Variants in SLC39A6 observed in about 807,000 individuals in gnomAD.
SLC39A6 encodes the protein zinc transporter ZIP6.
SLC39A6 carries 51 observed loss-of-function variants against 63.5 expected under a neutral mutation model. That is an observed-to-expected ratio of 0.80 (90% CI 0.64 to 1.01). The LOEUF is 1.01. Among genes scored for constraint, SLC39A6 ranks in the 50% least tolerant of loss-of-function variants. The pLI is 0.00. For missense variants in SLC39A6, 805 were observed against 927.8 expected (o/e 0.87, Z 1.72); for synonymous variants, 318 against 324.7 (o/e 0.98, Z 0.22).
In SLC39A6 at chr18:36,116,744, C is replaced by T; in HGVS notation, c.1395G>A (p.Glu465=). 6.2e-7 allele frequency: 1 copy of T among 1,613,078 alleles called. No homozygotes were observed. The highest frequency in any genetic ancestry group is 1.7e-5 in the Admixed American group (1 of 59,912). Reference sequence around the variant, plus strand: ...CATACTTGGACAACTGCTTCTTAATCTCCACATCATCATCATTTTCAGGTT... The same window carrying T: ...CATACTTGGACAACTGCTTCTTAATTTCCACATCATCATCATTTTCAGGTT... ...QKKPENDDDV[E]IKKQLSKYES... The change falls in exon 6 of 10, where the codon GAG becomes GAA. Residue 465 remains glutamate, a synonymous_variant. Coordinates refer to ENST00000269187, the MANE Select transcript of SLC39A6 (RefSeq NM_012319.4).
chr18:36,121,463 A>AT (rs1016961970), intron 5 of SLC39A6, among the ~76,000 whole-genome samples: 1 of 152,134 alleles, frequency 6.6e-6, no homozygotes, highest in Non-Finnish European at 1.5e-5. Context: ...GACCCACATC[A>AT]TTTTTAAGAG....
chr18:36,122,118 C>T lies in SLC39A6; in HGVS notation c.1293G>A (p.Leu431=), dbSNP rs752391375. 2.5e-6 allele frequency: 4 copies of T among 1,613,810 alleles called. No homozygotes were observed. The highest frequency in any genetic ancestry group is 1.3e-5 in the African/African-American group (1 of 74,886). Residue 431 remains leucine (L), a synonymous_variant, in exon 5 of 10, where the codon CTG becomes CTA. Transcript: ENST00000269187. The stretch of plus-strand genomic sequence containing the variant: ...CATGTTCAACAAGAAACATGAAATA[C>T]AGGCCTCCTAGAGCTGTTAGACCCT... ...TWKGLTALGG[L]YFMFLVEHVL... is the part of the protein sequence containing the mutation.
chr18:36,119,181 T>C (rs2089371108), intron 5 of SLC39A6, among the ~76,000 whole-genome samples: 1 of 152,224 alleles, frequency 6.6e-6, no homozygotes, highest in Non-Finnish European at 1.5e-5. Context: ...GTAGTAGTTT[T>C]CTTTTTGAGA....
chr18:36,111,343 A>C, intron 8 of SLC39A6, 94 bp from the exon 9 acceptor site: 1 of 1,259,884 alleles, frequency 7.9e-7, no homozygotes, highest in Non-Finnish European at 1.1e-6. Flanking sequence ...AAAATTTTCC[A>C]GTGTTTTTGA....
chr18:36,110,904 T>C (rs2089294807), intron 9 of SLC39A6, 155 bp downstream of exon 9: 5 of 1,227,638 alleles, frequency 4.1e-6, no homozygotes, highest in Non-Finnish European at 5.5e-6. Context: ...GATGGAAGGA[T>C]CATTTGGGCT....
intron 4 of SLC39A6, among the ~76,000 whole-genome samples, 165 bp downstream of exon 4, chr18:36,123,330 A>C (rs939929348): frequency 6.6e-6 from 1 of 152,252 alleles, no homozygotes; most frequent in Non-Finnish European, 1.5e-5. Flanking sequence ...AAATGTATTA[A>C]GATCGAGCAG....
At chr18:36,125,172 T>A (rs2236718) in intron 2 of SLC39A6, among the ~76,000 whole-genome samples, 1 of 151,788 alleles carries the variant, frequency 6.6e-6, no homozygotes, top group South Asian at 2.1e-4. Context: ...TCTACATACC[T>A]GGCAAAGTAA....
At position 36,111,259 on chromosome 18, in the gene SLC39A6, A is replaced by C. The variant is rs1309061774; in HGVS notation, c.1925-10T>G. The C allele has an allele frequency of 2.5e-6, 4 of 1,608,960 alleles. No individual in the cohort carries two copies. The highest frequency in any genetic ancestry group is 3.3e-4 in the Middle Eastern group (2 of 6,062). On this transcript the variant is annotated splice_polypyrimidine_tract_variant and intron_variant, in intron 8 of 9. Coordinates refer to ENST00000269187, the MANE Select transcript of SLC39A6 (RefSeq NM_012319.4). ...AGAACAGCAAAGTCACCTTTAACAG[A>C]AAACAAAAAAGGAGGAAAAAGTCAT...
At chr18:36,121,648 T>C (rs1478317856) in intron 5 of SLC39A6, among the ~76,000 whole-genome samples, 1 of 151,656 alleles carries the variant, frequency 6.6e-6, no homozygotes, top group Non-Finnish European at 1.5e-5. Context: ...ACATACCCTT[T>C]AAAAGAAAAC....
intron 6 of SLC39A6, among the ~76,000 whole-genome samples, chr18:36,114,742 C>T (rs1443294304): frequency 2.0e-5 from 3 of 152,194 alleles, no homozygotes; most frequent in Non-Finnish European, 4.4e-5. Context: ...TCAATTTCTT[C>T]TGCCTCCCTA....
Position 36,126,327 on chromosome 18 carries a change from T to C in SLC39A6, c.681A>G (p.Thr227=), listed in dbSNP as rs2089436758. The part of the protein sequence containing the change: ...DVSSSTPPSV[T]SKSRVSRLAG... ...CCAGCCGGCTCACCCGGCTCTTTGATGTGACACTGGGTGGAGTGGAGCTGC... is the reference window on the plus strand; with the variant it reads ...CCAGCCGGCTCACCCGGCTCTTTGACGTGACACTGGGTGGAGTGGAGCTGC... Residue 227 remains threonine (T), a synonymous_variant, in exon 2 of 10, where the codon ACA becomes ACG. Coordinates refer to ENST00000269187, the MANE Select transcript of SLC39A6 (RefSeq NM_012319.4). 6.2e-7 allele frequency: 1 copy of C among 1,614,280 alleles called. No individual in the cohort carries two copies. Among genetic ancestry groups the C allele is most frequent in the African/African-American group, 1.3e-5 (1 of 75,076 alleles).
In SLC39A6 at chr18:36,108,695, A is replaced by C. The variant is rs148497586; in HGVS notation, c.*898T>G. 8 of 152,336 alleles carry C rather than the reference A, an allele frequency of 5.3e-5. No homozygotes were observed. In the East Asian group the frequency reaches 1.3e-3, roughly 26 times the overall value. The allele number at this position is 152,336 out of a possible 1,614,324, so 9.4% of individuals were successfully genotyped here. On this transcript the variant is annotated 3_prime_UTR_variant, in exon 10 of 10. Coordinates refer to ENST00000269187, the MANE Select transcript of SLC39A6 (RefSeq NM_012319.4). ...TACTTTCTGAATCGAATCAAATGATACTTAGTGTAGTTTTAATATCCTCAT... is the reference window on the plus strand; with the variant it reads ...TACTTTCTGAATCGAATCAAATGATCCTTAGTGTAGTTTTAATATCCTCAT...
intron 4 of SLC39A6, 89 bp downstream of exon 4, chr18:36,123,406 T>C (rs1451403080): frequency 8.0e-7 from 1 of 1,244,142 alleles, no homozygotes; most frequent in Non-Finnish European, 1.1e-6. Flanking sequence ...ATTTCTAACA[T>C]TTTATACAAA....
intron 7 of SLC39A6, among the ~76,000 whole-genome samples, chr18:36,113,116 A>T (rs1389871333): frequency 6.6e-6 from 1 of 151,592 alleles, no homozygotes; most frequent in Non-Finnish European, 1.5e-5. Flanking sequence ...TTTTTCAGAG[A>T]CAGGGTTTCA....
rs2089285481 is a variant in SLC39A6 at position 36,109,681 on chromosome 18, A to T, written c.2180T>A (p.Leu727Ter). 1.2e-6 allele frequency: 2 copies of T among 1,612,220 alleles called. No homozygotes were observed. Among genetic ancestry groups the T allele is most frequent in the Non-Finnish European group, 1.7e-6 (2 of 1,178,496 alleles). ...ACCCAAAAGCATCCCAGCATTCTGT[A>T]AAAAGAAATACCCCCAGCGGCTACA... ...HGCSRWGYFF[L>*]QNAGMLLGFG... The change falls in exon 10 of 10, where the codon TTA (leucine) becomes TAA (stop). Residue 727 changes from leucine to a stop codon, truncating the protein, a stop_gained. Coordinates refer to ENST00000269187, the MANE Select transcript of SLC39A6 (RefSeq NM_012319.4). LOFTEE classifies it high-confidence loss of function.
At chr18:36,121,580 A>G (rs2089394758) in intron 5 of SLC39A6, among the ~76,000 whole-genome samples, 1 of 152,230 alleles carries the variant, frequency 6.6e-6, no homozygotes, top group Admixed American at 6.5e-5. Flanking sequence ...GAAAGAGCCT[A>G]TTGTTTGACT....
At position 36,116,786 on chromosome 18, in the gene SLC39A6, T is replaced by C. The variant is rs767997918; in HGVS notation, c.1360-7A>G. On this transcript the variant is annotated splice_region_variant and splice_polypyrimidine_tract_variant and intron_variant, in intron 5 of 9. Transcript: ENST00000269187. The stretch of plus-strand genomic sequence containing the variant: ...TTTCAGGTTTCTTCTGATTCTAAAA[T>C]AGTGAGGGAAAACAATACTTTAAAA... 1 of 1,583,980 alleles carries C rather than the reference T, an allele frequency of 6.3e-7. No homozygotes were observed. The highest frequency in any genetic ancestry group is 8.7e-7 in the Non-Finnish European group (1 of 1,154,494).
At chr18:36,113,569 G>A (rs2089319553) in intron 7 of SLC39A6, among the ~76,000 whole-genome samples, 1 of 152,152 alleles carries the variant, frequency 6.6e-6, no homozygotes, top group Non-Finnish European at 1.5e-5. Flanking sequence ...TAATTGCATG[G>A]TTCCTTCCAG....
chr18:36,118,101 GA>G (rs1479071425), intron 5 of SLC39A6, among the ~76,000 whole-genome samples: 1 of 150,782 alleles, frequency 6.6e-6, no homozygotes, highest in African/African-American at 2.4e-5. Flanking sequence ...CTCAATCAGA[GA>G]AAGTACTTAA....
Sources: allele counts gnomAD v4.1 joint callset (sites outside exome capture counted in the v4.1 genomes callset), GRCh38; gene constraint gnomAD v4.1.1; transcripts MANE v1.5; gene names NCBI Gene and HGNC (gene_info 2026-07-23, HGNC 2026-07-21).